Variants in AEN observed in about 807,000 individuals in gnomAD.
AEN encodes the protein apoptosis-enhancing nuclease.
In AEN, 21 loss-of-function variants were observed where a neutral mutation model predicts 17.7. The ratio of observed to expected loss-of-function variants is 1.19; its 90% CI spans 0.84 to 1.71. The LOEUF (loss-of-function observed/expected upper bound fraction) is 1.71. Ranked by LOEUF, AEN falls within the 40% of genes most tolerant of loss-of-function variation. The pLI is 0.00. For missense variants in AEN, 462 were observed against 435.9 expected (o/e 1.06, Z -0.53); for synonymous variants, 190 against 173.0 (o/e 1.10, Z -0.77).
chr15:88,611,699 G>A, the AEN span: 2 of 306,504 alleles, frequency 6.5e-6, no homozygotes, highest in Non-Finnish European at 1.3e-5. Flanking sequence ...TCTGAGGTGA[G>A]GAGAGGTGTT....
Position 88,630,103 on chromosome 15 carries a change from A to G in AEN, c.787A>G (p.Met263Val). 1.2e-6 allele frequency: 2 copies of G among 1,614,154 alleles called. No homozygotes were observed. The highest frequency in any genetic ancestry group is 1.7e-6 in the Non-Finnish European group (2 of 1,180,026). Residue 263 changes from methionine (M) to valine (V), a missense_variant, in exon 4 of 4, where the codon ATG (methionine) becomes GTG (valine). Met to Val is a conservative substitution (Grantham distance 21). Transcript: ENST00000332810. The surrounding 1 kb of genome is among the most constrained non-coding windows in gnomAD (Gnocchi z 5.1). ...ATCAGTAGAAGATGCCACGACAGCC[A>G]TGGAGCTCTACCGGCTGGTGGAGGT... Reference protein sequence around the residue: ...HSSVEDATTAMELYRLVEVQW... With the variant: ...HSSVEDATTAVELYRLVEVQW...
At chr15:88,606,580 C>T in the AEN span, among the ~76,000 whole-genome samples, 68 of 152,258 alleles carry the variant, frequency 4.5e-4, no homozygotes, top group African/African-American at 1.6e-3. Context: ...CAACCAGTCG[C>T]AGCACCTGCC....
At chr15:88,605,918 A>G in the AEN span, among the ~76,000 whole-genome samples, 1 of 152,116 alleles carries the variant, frequency 6.6e-6, no homozygotes, top group African/African-American at 2.4e-5. This position sits in a 1 kb window ranked among gnomAD's most constrained non-coding sequence, Gnocchi z 7.6. Flanking sequence ...GGCCCCTCAG[A>G]CCCCACGCGG....
chr15:88,629,423 C>T lies in AEN; in HGVS notation c.738C>T (p.Ile246=). 2 of 1,613,154 alleles carry T rather than the reference C, an allele frequency of 1.2e-6. No individual in the cohort carries two copies. The highest frequency in any genetic ancestry group is 1.7e-6 in the Non-Finnish European group (2 of 1,179,330). The change falls in exon 3 of 4, where the codon ATC becomes ATT. Residue 246 remains isoleucine, a synonymous_variant. Transcript: ENST00000332810. ...DLALQLLHKK[I]QVGQHGHSSV... ...CCCTGCAGCTGCTGCACAAGAAGAT[C>T]CAGGTGCGTGGTGGGAGAGTGGCTG...
At chr15:88,622,824 C>G (rs930879702) in intron 1 of AEN, among the ~76,000 whole-genome samples, 1 of 152,154 alleles carries the variant, frequency 6.6e-6, no homozygotes, top group African/African-American at 2.4e-5. Flanking sequence ...CTTGTTTCTT[C>G]TTAAAACAGG....
chr15:88,627,455 G>C (rs373209630), intron 2 of AEN: 1 of 120,816 alleles, frequency 8.3e-6, no homozygotes, highest in African/African-American at 2.9e-5. Context: ...TACGCATCTT[G>C]TTTCTTTTTT....
At chr15:88,624,879 G>A (rs1208979375) in intron 1 of AEN, among the ~76,000 whole-genome samples, 12 of 33,920 alleles carry the variant, frequency 3.5e-4, no homozygotes, top group Admixed American at 2.5e-3. Flanking sequence ...ACGAAACTCC[G>A]CCTCAAAAAA....
chr15:88,608,847 G>C, the AEN span, among the ~76,000 whole-genome samples: 1 of 152,224 alleles, frequency 6.6e-6, no homozygotes, highest in Non-Finnish European at 1.5e-5. Flanking sequence ...TTGCAGGTAG[G>C]TGATGGTTAT....
intron 1 of AEN, among the ~76,000 whole-genome samples, chr15:88,625,343 C>T (rs1351736327): frequency 6.6e-6 from 1 of 152,034 alleles, no homozygotes; most frequent in Non-Finnish European, 1.5e-5. Context: ...TGATGAAACC[C>T]CATCTCTACT....
At chr15:88,623,883 G>A (rs968297215) in intron 1 of AEN, among the ~76,000 whole-genome samples, 1 of 152,144 alleles carries the variant, frequency 6.6e-6, no homozygotes, top group Non-Finnish European at 1.5e-5. Context: ...AGCATGACCC[G>A]CCTTATGCTC....
intron 2 of AEN, chr15:88,627,642 T>G (rs915432489): frequency 6.6e-6 from 1 of 152,178 alleles, no homozygotes; most frequent in South Asian, 2.1e-4. Flanking sequence ...AGACAGGAAG[T>G]GTGACACCAG....
At chr15:88,619,111 A>G (rs2057760857), upstream of AEN, among the ~76,000 whole-genome samples, 1 of 152,202 alleles carries the variant, frequency 6.6e-6, no homozygotes, top group African/African-American at 2.4e-5. Flanking sequence ...GATCTTGGTG[A>G]AAGCAAAGAA....
the AEN span, among the ~76,000 whole-genome samples, chr15:88,614,696 A>C: frequency 2.0e-5 from 3 of 152,136 alleles, no homozygotes; most frequent in Non-Finnish European, 4.4e-5. Flanking sequence ...GCAGAGAGGC[A>C]GCGTCCTCTG....
At chr15:88,629,128 G>A (rs545802681) in intron 2 of AEN, 98 bp from the exon 3 acceptor site, 3 of 1,199,970 alleles carry the variant, frequency 2.5e-6, no homozygotes, top group Non-Finnish European at 3.7e-6. Flanking sequence ...CCCCCCACAG[G>A]GATCCATGCA....
chr15:88,610,131 C>A, the AEN span, among the ~76,000 whole-genome samples: 443 of 152,216 alleles, frequency 2.9e-3, 2 homozygotes, highest in African/African-American at 9.6e-3. Context: ...TTTGCCAGGT[C>A]CCTAAGAAAG....
chr15:88,622,153 C>T (rs143797995), intron 1 of AEN, among the ~76,000 whole-genome samples: 1 of 152,170 alleles, frequency 6.6e-6, no homozygotes, highest in Non-Finnish European at 1.5e-5. Context: ...TCCTTTGGGG[C>T]CTTTGCTCCA....
At chr15:88,608,239 C>G in the AEN span, 1 of 491,106 alleles carries the variant, frequency 2.0e-6, no homozygotes, top group Non-Finnish European at 4.4e-6. Flanking sequence ...TGCCTTAGTT[C>G]CATCCAGTAG....
upstream of AEN, among the ~76,000 whole-genome samples, chr15:88,616,374 G>A (rs939724067): frequency 2.0e-5 from 3 of 152,114 alleles, no homozygotes; most frequent in East Asian, 3.9e-4. Flanking sequence ...TTACAGGCGT[G>A]AGCCACCGCA....
At chr15:88,616,814 T>C (rs753374113), upstream of AEN, among the ~76,000 whole-genome samples, 1 of 152,260 alleles carries the variant, frequency 6.6e-6, no homozygotes, top group South Asian at 2.1e-4. Context: ...TTCAGTACTT[T>C]ATTATAACAT....
Sources: allele counts gnomAD v4.1 joint callset (sites outside exome capture counted in the v4.1 genomes callset), GRCh38; gene constraint gnomAD v4.1.1; non-coding constraint Gnocchi (gnomAD v3.1); transcripts MANE v1.5; gene names NCBI Gene and HGNC (gene_info 2026-07-23, HGNC 2026-07-21).